The following NAA11 variants were observed in gnomAD, a reference collection of about 807,000 sequenced individuals.
The protein encoded by NAA11 is N-alpha-acetyltransferase 11, NatA catalytic subunit, also known as N-alpha-acetyltransferase 11.
Under a neutral mutation model 16.1 loss-of-function variants are expected in NAA11, and 15 were observed. That is an observed-to-expected ratio of 0.93 (90% confidence interval 0.62 to 1.44). The LOEUF (loss-of-function observed/expected upper bound fraction) is 1.44, where lower values mean the gene tolerates loss of function less well. Among genes scored for constraint, NAA11 ranks in the 40% most tolerant of loss-of-function variants. NAA11 has a pLI of 0.00. For missense variants in NAA11, 298 were observed against 291.3 expected (o/e 1.02, Z -0.17); for synonymous variants, 122 against 112.4 (o/e 1.09, Z -0.54).
chr4:79,226,763 CT>C (rs1190483749), intron 2 of NAA11, among the ~76,000 whole-genome samples: 7 of 151,806 alleles, frequency 4.6e-5, no homozygotes, highest in Admixed American at 2.0e-4. Context: ...TGAATTCATC[CT>C]TTTTTATGGC....
the NAA11 span, among the ~76,000 whole-genome samples, chr4:79,161,736 A>G: frequency 5.3e-5 from 8 of 150,652 alleles, no homozygotes; most frequent in East Asian, 2.0e-4. Context: ...GTGCAGTGGC[A>G]TGATCTCGGC....
chr4:79,304,959 T>C (rs1270400005), intron 1 of NAA11, among the ~76,000 whole-genome samples: 1 of 152,142 alleles, frequency 6.6e-6, no homozygotes, highest in Non-Finnish European at 1.5e-5. Flanking sequence ...AATATAATCC[T>C]AGGAATAAAG....
chr4:79,308,060 C>T (rs987159327), intron 1 of NAA11, among the ~76,000 whole-genome samples: 5 of 152,048 alleles, frequency 3.3e-5, no homozygotes, highest in African/African-American at 1.2e-4. Flanking sequence ...CTCTCTCATG[C>T]TCTATATCCT....
chr4:79,255,865 G>A (rs1367052699), intron 2 of NAA11, among the ~76,000 whole-genome samples: 4 of 152,194 alleles, frequency 2.6e-5, no homozygotes, highest in African/African-American at 9.7e-5. Context: ...ACTTTTAATG[G>A]CATGCAGATT....
chr4:79,288,613 G>A (rs569318920), intron 2 of NAA11, among the ~76,000 whole-genome samples: 60 of 152,214 alleles, frequency 3.9e-4, no homozygotes, highest in South Asian at 1.0e-3. Flanking sequence ...GAATAAATAC[G>A]TGTGGATAAA....
the NAA11 span, among the ~76,000 whole-genome samples, chr4:79,183,713 A>G: frequency 6.6e-6 from 1 of 151,860 alleles, no homozygotes; most frequent in Non-Finnish European, 1.5e-5. Flanking sequence ...ACTTGCAAGC[A>G]TATTTGTTCA....
At chr4:79,202,567 TTA>T in the NAA11 span, among the ~76,000 whole-genome samples, 18 of 121,596 alleles carry the variant, frequency 1.5e-4, no homozygotes, top group African/African-American at 2.8e-4. Flanking sequence ...CCATATGTAG[TTA>T]TATATATATA....
chr4:79,174,877 C>T, the NAA11 span, among the ~76,000 whole-genome samples: 3 of 152,064 alleles, frequency 2.0e-5, no homozygotes, highest in South Asian at 2.1e-4. Context: ...AAGGAACTAT[C>T]TGTCTTCTCA....
the NAA11 span, among the ~76,000 whole-genome samples, chr4:79,169,211 C>T: frequency 2.0e-5 from 3 of 152,150 alleles, no homozygotes; most frequent in Admixed American, 2.0e-4. Flanking sequence ...ATGCTATCCC[C>T]ATCAAGCTAC....
At chr4:79,284,895 A>G (rs1722873125) in intron 2 of NAA11, among the ~76,000 whole-genome samples, 2 of 27,028 alleles carry the variant, frequency 7.4e-5, no homozygotes, top group East Asian at 6.5e-4. Context: ...AAAAAAAAAA[A>G]AAAAAAAAAA....
chr4:79,283,418 G>C (rs901247341), intron 2 of NAA11, among the ~76,000 whole-genome samples: 6 of 151,980 alleles, frequency 3.9e-5, no homozygotes, highest in African/African-American at 1.5e-4. Context: ...GGGGAGACCT[G>C]GGCTTTGATA....
At chr4:79,244,197 G>C (rs1331414982) in intron 2 of NAA11, among the ~76,000 whole-genome samples, 1 of 152,182 alleles carries the variant, frequency 6.6e-6, no homozygotes, top group African/African-American at 2.4e-5. Context: ...CGCTTTTAGA[G>C]AGGCATTGCG....
At chr4:79,243,458 C>G (rs1212816367) in intron 2 of NAA11, among the ~76,000 whole-genome samples, 1 of 152,198 alleles carries the variant, frequency 6.6e-6, no homozygotes, top group African/African-American at 2.4e-5. Flanking sequence ...CAAATTATCT[C>G]GTTCATTTTT....
chr4:79,245,921 G>A (rs1170028383), intron 2 of NAA11, among the ~76,000 whole-genome samples: 4 of 152,208 alleles, frequency 2.6e-5, no homozygotes, highest in African/African-American at 7.2e-5. Flanking sequence ...TGACGATGGC[G>A]GTTTTGTCGA....
chr4:79,293,307 C>T (rs1003028270), intron 2 of NAA11, among the ~76,000 whole-genome samples: 1 of 152,076 alleles, frequency 6.6e-6, no homozygotes, highest in Non-Finnish European at 1.5e-5. Context: ...TTCCCTCATT[C>T]GGTGCTGCCA....
chr4:79,192,539 C>G, the NAA11 span, among the ~76,000 whole-genome samples: 1 of 151,758 alleles, frequency 6.6e-6, no homozygotes, highest in East Asian at 1.9e-4. Context: ...TCATCCATGT[C>G]CCTACAAAGG....
intron 2 of NAA11, among the ~76,000 whole-genome samples, chr4:79,276,540 T>C (rs1235209515): frequency 6.6e-6 from 1 of 152,162 alleles, no homozygotes. Flanking sequence ...CTTGGAGACC[T>C]GAAGACATGC....
At chr4:79,170,705 G>A in the NAA11 span, among the ~76,000 whole-genome samples, 2 of 152,110 alleles carry the variant, frequency 1.3e-5, no homozygotes, top group Non-Finnish European at 2.9e-5. Flanking sequence ...TTAAGGCTTA[G>A]AAGTTTTATT....
the NAA11 span, among the ~76,000 whole-genome samples, chr4:79,207,178 G>T: frequency 6.6e-6 from 1 of 151,854 alleles, no homozygotes; most frequent in South Asian, 2.1e-4. Flanking sequence ...TTCTAATTTG[G>T]ATGCCATTTA....
Sources: gnomAD v4.1 joint callset for allele counts (sites outside exome capture counted in the v4.1 genomes callset) on GRCh38, gnomAD v4.1.1 for gene constraint, MANE v1.5 for transcripts, NCBI Gene and HGNC (gene_info 2026-07-23, HGNC 2026-07-21) for gene names.